TTN: variants seen among roughly 807,000 people sequenced by gnomAD.
TTN encodes the protein titin.
TTN carries 1,525 observed loss-of-function variants against 3,223.0 expected under a neutral mutation model. That is an observed-to-expected ratio of 0.47 (90% CI 0.45 to 0.49). The LOEUF (loss-of-function observed/expected upper bound fraction) is 0.49. Among genes scored for constraint, TTN ranks in the 20% least tolerant of loss-of-function variants. TTN has a pLI of 0.00. For missense variants in TTN, 40,786 were observed against 43,424.0 expected (o/e 0.94, Z 5.40); for synonymous variants, 14,094 against 15,161.0 (o/e 0.93, Z 5.17).
chr2:178,607,549 C>G lies in TTN; in HGVS notation c.53139G>C (p.Leu17713=). ...TKVWTKEEGE[L]DKDRVVIDNV... The stretch of plus-strand genomic sequence containing the variant: ...TGTCTATTACAACACGGTCTTTATC[C>G]AGCTCCCCTTCTTCTTTGGTCCATA... The change falls in exon 277 of 363, where the codon CTG becomes CTC. Residue 17713 remains leucine, a synonymous_variant. Transcript: ENST00000589042. 6.2e-7 allele frequency: 1 copy of G among 1,613,154 alleles called. No individual in the cohort carries two copies. The highest frequency in any genetic ancestry group is 8.5e-7 in the Non-Finnish European group (1 of 1,179,382).
rs776867588 is a variant in TTN at position 178,692,026 on chromosome 2, A to G, written c.31752T>C (p.Ala10584=). The G allele has an allele frequency of 1.4e-5, 23 of 1,612,170 alleles. No homozygotes were observed. In the South Asian group the frequency reaches 1.4e-4, roughly 10 times the overall value. The stretch of plus-strand genomic sequence containing the variant: ...TTGGCTCTGGCGTACCTTTTGGGGG[A>G]GCAGCAGGTTCCTTCTTAGGCACAG... ...PVPVPKKEPA[A]PPKVPEVPKK... is the part of the protein sequence containing the mutation. Residue 10584 remains alanine, a synonymous_variant, in exon 121 of 363, where the codon GCT becomes GCC. Coordinates refer to ENST00000589042, the MANE Select transcript of TTN (RefSeq NM_001267550.2).
rs750950584 is a variant in TTN at position 178,587,323 on chromosome 2, G to T, written c.63888C>A (p.Ser21296Arg). The T allele has an allele frequency of 6.8e-6, 11 of 1,612,660 alleles. No homozygotes were observed. The highest frequency in any genetic ancestry group is 9.3e-6 in the Non-Finnish European group (11 of 1,179,384). Reference sequence around the variant, plus strand: ...TCTCCACGATATAATGTGTCACTTGGCTCCCACCGTCGTTTTCAGGAGGGG... The same window carrying T: ...TCTCCACGATATAATGTGTCACTTGTCTCCCACCGTCGTTTTCAGGAGGGG... ...SWAPPENDGG[S>R]QVTHYIVEKR... is the part of the protein sequence containing the mutation. Residue 21296 changes from serine to arginine, a missense_variant, in exon 307 of 363, where the codon AGC (serine) becomes AGA (arginine). Ser to Arg is a moderately radical substitution (Grantham distance 110, BLOSUM62 -1). Transcript: ENST00000589042.
rs770636241 is a variant in TTN at position 178,789,961 on chromosome 2, C to CAAAT, written c.1938+13_1938+16dup. On this transcript the variant is annotated intron_variant, in intron 12 of 362. Coordinates refer to ENST00000589042, the MANE Select transcript of TTN (RefSeq NM_001267550.2). ...GTTTAAAGATGAACTTTTCACAGCTCAAATATCTGTATTCACCTTCTCCTG... is the reference window on the plus strand; with the variant it reads ...GTTTAAAGATGAACTTTTCACAGCTCAAATAAATATCTGTATTCACCTTCTCCTG... 6.2e-7 allele frequency: 1 copy of CAAAT among 1,612,436 alleles called. No homozygotes were observed. Among genetic ancestry groups the CAAAT allele is most frequent in the East Asian group, 2.2e-5 (1 of 44,690 alleles).
chr2:178,697,881 T>C (rs972448241), intron 112 of TTN, among the ~76,000 whole-genome samples: 9 of 152,204 alleles, frequency 5.9e-5, no homozygotes, highest in Non-Finnish European at 1.3e-4. Context: ...CTCTTAAAAT[T>C]AGCAGCAACC....
At chr2:178,628,508 A>G (rs1351783894) in intron 240 of TTN, among the ~76,000 whole-genome samples, 2 of 152,086 alleles carry the variant, frequency 1.3e-5, no homozygotes, top group Non-Finnish European at 2.9e-5. Context: ...TTAAAGACAT[A>G]TGTTGTTTCT....
Position 178,684,897 on chromosome 2 carries a change from C to A in TTN, c.32554+9G>T, listed in dbSNP as rs1381441429. The A allele has an allele frequency of 6.3e-7, 1 of 1,593,796 alleles. No homozygotes were observed. Among genetic ancestry groups the A allele is most frequent in the South Asian group, 1.1e-5 (1 of 87,664 alleles). ...GACAGTCTTGAGAATAAAATAAAAT[C>A]CAATATACCTTTAGGTGGGGGCACC... is the stretch of plus-strand genomic sequence containing the variant. On this transcript the variant is annotated intron_variant, in intron 130 of 362. Transcript: ENST00000589042.
chr2:178,557,509 T>G lies in TTN; in HGVS notation c.87753A>C (p.Arg29251=), dbSNP rs1351112282. ...PSTPWVTNVT[R]ESITVGWHEP... ...CATGCCAGCCCACAGTGATGCTTTC[T>G]CGAGTAACATTAGTGACCCATGGTG... The change falls in exon 329 of 363, where the codon CGA becomes CGC. Residue 29251 remains arginine (R), a synonymous_variant. Coordinates refer to ENST00000589042, the MANE Select transcript of TTN (RefSeq NM_001267550.2). 3.7e-6 allele frequency: 6 copies of G among 1,613,934 alleles called. No individual in the cohort carries two copies. The South Asian group carries it at 6.6e-5, about 18-fold the overall frequency.
At chr2:178,689,620 A>G (rs2071806655) in intron 122 of TTN, 25 bp from the exon 123 acceptor site, 1 of 1,576,078 alleles carries the variant, frequency 6.3e-7, no homozygotes, top group African/African-American at 1.4e-5. Flanking sequence ...TTTAGAATTG[A>G]CTTTATATTT....
chr2:178,784,019 G>A (rs552309598), intron 16 of TTN, 51 bp downstream of exon 16: 2 of 1,610,456 alleles, frequency 1.2e-6, no homozygotes, highest in East Asian at 2.2e-5. Flanking sequence ...CAACCACCTG[G>A]CCCTGCTCAA....
rs779975469 is a variant in TTN at position 178,723,263 on chromosome 2, A to G, written c.21744T>C (p.Ile7248=). ...DHSVEPGKSI[I]LESTYTGTLP... ...GTGTTCCAGTGTAGGTGCTCTCCAG[A>G]ATTATGGACTTCCCTGGTTCTACAG... The change falls in exon 75 of 363, where the codon ATT becomes ATC. Residue 7248 remains isoleucine (I), a synonymous_variant. Transcript: ENST00000589042. The G allele has an allele frequency of 6.2e-6, 10 of 1,613,396 alleles. No homozygotes were observed. In the African/African-American group the frequency reaches 1.3e-4, roughly 22 times the overall value.
At position 178,625,504 on chromosome 2, in the gene TTN, T is replaced by C. The variant is rs2058887555; in HGVS notation, c.44425-108A>G. The C allele has an allele frequency of 3.1e-6, 4 of 1,301,252 alleles. No individual in the cohort carries two copies. In the African/African-American group the frequency reaches 6.2e-5, roughly 20 times the overall value. 80.6% of individuals were successfully genotyped at this position (1,301,252 alleles called of 1,614,324 possible). On this transcript the variant is annotated intron_variant, in intron 240 of 362. Transcript: ENST00000589042. ...AAATAGAGCTTTCCAAGTTGTTTTA[T>C]AATCATCTATTTAGCACGTATGCAT...
Position 178,784,223 on chromosome 2 carries a change from C to CTCTG in TTN, c.2618_2621dup (p.Glu874AspfsTer13). 6.2e-7 allele frequency: 1 copy of CTCTG among 1,614,154 alleles called. No individual in the cohort carries two copies. Among genetic ancestry groups the CTCTG allele is most frequent in the Non-Finnish European group, 8.5e-7 (1 of 1,180,002 alleles). On this transcript the variant is annotated frameshift_variant, in exon 16 of 363. Transcript: ENST00000589042. LOFTEE classifies it high-confidence loss of function. The stretch of plus-strand genomic sequence containing the variant: ...AGGGGAACTGTGGCAAGGGTGTGGG[C>CTCTG]TCTGCCCTTACTCTAGTCTCACTGG...
chr2:178,731,461 C>T lies in TTN; in HGVS notation c.17305G>A (p.Glu5769Lys). The change falls in exon 59 of 363, where the codon GAA becomes AAA. Residue 5769 changes from glutamate (E) to lysine (K), a missense_variant. Transcript: ENST00000589042. The stretch of plus-strand genomic sequence containing the variant: ...CTTATATTATCGTCTTCAGTGATTT[C>T]ATCGCTGTCTTTTAGCCAAGTCACC... Reference protein sequence around the residue: ...ITVTWLKDSDEITEDDNIRMT... With the variant: ...ITVTWLKDSDKITEDDNIRMT... The T allele has an allele frequency of 1.2e-6, 2 of 1,613,762 alleles. No individual in the cohort carries two copies. Among genetic ancestry groups the T allele is most frequent in the Non-Finnish European group, 1.7e-6 (2 of 1,179,796 alleles).
Position 178,576,710 on chromosome 2 carries a change from C to G in TTN, c.69534G>C (p.Arg23178Ser). ...CCCATCGCAGGCTTTTCTTTTCTCT[C>G]CTTTCTACATGATATCCTGTAATTT... is the stretch of plus-strand genomic sequence containing the variant. ...GSEITGYHVE[R>S]REKKSLRWVR... The change falls in exon 325 of 363, where the codon AGG (arginine) becomes AGC (serine). Residue 23178 changes from arginine (R) to serine (S), a missense_variant. Physicochemically the swap from Arg to Ser is moderately radical, Grantham distance 110. Coordinates refer to ENST00000589042, the MANE Select transcript of TTN (RefSeq NM_001267550.2). This position sits in a 1 kb window ranked among gnomAD's most constrained non-coding sequence, Gnocchi z 4.3. 6.2e-7 allele frequency: 1 copy of G among 1,613,532 alleles called. No individual in the cohort carries two copies. Among genetic ancestry groups the G allele is most frequent in the Non-Finnish European group, 8.5e-7 (1 of 1,179,620 alleles).
chr2:178,544,568 T>C (rs1696143790), intron 344 of TTN, 62 bp from the exon 345 acceptor site: 1 of 1,456,386 alleles, frequency 6.9e-7, no homozygotes, highest in Non-Finnish European at 9.3e-7. Context: ...GAGATTTGTA[T>C]TTTTTGTTTT....
At position 178,564,492 on chromosome 2, in the gene TTN, C is replaced by T; in HGVS notation, c.81640G>A (p.Asp27214Asn). Residue 27214 changes from aspartate (D) to asparagine (N), a missense_variant, in exon 326 of 363, where the codon GAT becomes AAT. Asp to Asn is a conservative substitution (Grantham distance 23). Coordinates refer to ENST00000589042, the MANE Select transcript of TTN (RefSeq NM_001267550.2). ...GYIVEKKDLP[D>N]GRWMKASFTN... The stretch of plus-strand genomic sequence containing the variant: ...AAGCTGGCTTTCATCCAGCGGCCAT[C>T]AGGTAGATCTTTCTTTTCTACAATA... 1 of 1,612,074 alleles carries T rather than the reference C, an allele frequency of 6.2e-7. No homozygotes were observed. The highest frequency in any genetic ancestry group is 2.2e-5 in the East Asian group (1 of 44,648).
Position 178,530,315 on chromosome 2 carries a change from C to A in TTN, c.106300G>T (p.Asp35434Tyr). Residue 35434 changes from aspartate to tyrosine, a missense_variant, in exon 358 of 363, where the codon GAC (aspartate) becomes TAC (tyrosine). Transcript: ENST00000589042. ...TTAACTGCAAATTTAGCAACACTGT[C>A]TGAAGAAACAGTTGTATCCTGCAAC... ...TGLQDTTVSS[D>Y]SVAKFAVKAT... 1 of 1,613,896 alleles carries A rather than the reference C, an allele frequency of 6.2e-7. No homozygotes were observed. The highest frequency in any genetic ancestry group is 8.5e-7 in the Non-Finnish European group (1 of 1,179,838).
chr2:178,615,013 C>A, intron 259 of TTN, 45 bp from the exon 260 acceptor site: 2 of 1,514,020 alleles, frequency 1.3e-6, no homozygotes, highest in South Asian at 1.2e-5. Context: ...TGTCGATAAT[C>A]GTTTCATTGT....
At position 178,576,525 on chromosome 2, in the gene TTN, T is replaced by C; in HGVS notation, c.69715+4A>G. 1 of 1,611,774 alleles carries C rather than the reference T, an allele frequency of 6.2e-7. No homozygotes were observed. Reference sequence around the variant, plus strand: ...GAACGGTGTTGAAAAAGACAAATACTAACATGCTGCATCTTTCATCAGAAC... The same window carrying C: ...GAACGGTGTTGAAAAAGACAAATACCAACATGCTGCATCTTTCATCAGAAC... On this transcript the variant is annotated splice_donor_region_variant and intron_variant, in intron 325 of 362. Coordinates refer to ENST00000589042, the MANE Select transcript of TTN (RefSeq NM_001267550.2). This position sits in a 1 kb window ranked among gnomAD's most constrained non-coding sequence, Gnocchi z 4.3.
Sources: gnomAD v4.1 joint callset for allele counts (sites outside exome capture counted in the v4.1 genomes callset) on GRCh38, gnomAD v4.1.1 for gene constraint, Gnocchi (gnomAD v3.1) non-coding constraint, MANE v1.5 for transcripts, NCBI Gene and HGNC (gene_info 2026-07-23, HGNC 2026-07-21) for gene names.